The following TOGARAM1 variants were observed in gnomAD, a reference collection of about 807,000 sequenced individuals.
TOGARAM1 encodes TOG array regulator of axonemal microtubules protein 1.
In TOGARAM1, 100 loss-of-function variants were observed where a neutral mutation model predicts 166.6. That is an observed-to-expected ratio of 0.60 (90% CI 0.51 to 0.71). The LOEUF (loss-of-function observed/expected upper bound fraction) is 0.71, where lower values mean the gene tolerates loss of function less well. Ranked by LOEUF, TOGARAM1 falls within the 30% of genes least tolerant of loss-of-function variation. The pLI, the probability that TOGARAM1 is intolerant of heterozygous loss-of-function variation, is 0.00. For missense variants in TOGARAM1, 2,029 were observed against 2,102.7 expected (o/e 0.96, Z 0.69); for synonymous variants, 758 against 763.8 (o/e 0.99, Z 0.13).
chr14:44,978,882 T>C (rs1886367059), intron 1 of TOGARAM1, among the ~76,000 whole-genome samples: 1 of 151,160 alleles, frequency 6.6e-6, no homozygotes, highest in Non-Finnish European at 1.5e-5. Flanking sequence ...GCCTGTAGTC[T>C]CAGCTCCTCA....
At chr14:45,007,045 T>A (rs1879485024) in intron 5 of TOGARAM1, 1 of 152,136 alleles carries the variant, frequency 6.6e-6, no homozygotes, top group Admixed American at 6.5e-5. Context: ...CTTTTTATCA[T>A]TTCAGTTTGC....
At chr14:44,974,519 T>A (rs1386336572) in intron 1 of TOGARAM1, among the ~76,000 whole-genome samples, 2 of 152,208 alleles carry the variant, frequency 1.3e-5, no homozygotes, top group Admixed American at 6.5e-5. Context: ...GCTTGTTCTG[T>A]CTTTTCAGAC....
intron 14 of TOGARAM1, 71 bp from the exon 15 acceptor site, chr14:45,052,365 T>C: frequency 7.8e-7 from 1 of 1,283,970 alleles, no homozygotes; most frequent in South Asian, 1.5e-5. Flanking sequence ...ATTGAAACAA[T>C]GCATCTAAGG....
At chr14:44,990,488 CAG>C (rs1368123391) in intron 1 of TOGARAM1, among the ~76,000 whole-genome samples, 9 of 152,214 alleles carry the variant, frequency 5.9e-5, no homozygotes, top group African/African-American at 1.9e-4. Flanking sequence ...TGTTTGGACT[CAG>C]AGGGACAATA....
intron 16 of TOGARAM1, among the ~76,000 whole-genome samples, chr14:45,065,396 A>G (rs1017525832): frequency 5.9e-4 from 90 of 152,292 alleles, no homozygotes; most frequent in African/African-American, 2.0e-3. Flanking sequence ...TGAGCTAAAA[A>G]CAAAAAAACA....
At position 45,066,851 on chromosome 14, in the gene TOGARAM1, G is replaced by A. The variant is rs897056658; in HGVS notation, c.4749+84G>A. The A allele has an allele frequency of 7.6e-6, 9 of 1,182,722 alleles. No individual in the cohort carries two copies. The Admixed American group carries it at 1.7e-4, about 22-fold the overall frequency. The allele number at this position is 1,182,722 out of a possible 1,614,324, so 73.3% of individuals were successfully genotyped here. ...AGCACTTTGGGAAGCCAAGGTAGAA[G>A]GATCTCTTGAGGCTAGGAGTTCAAA... On this transcript the variant is annotated intron_variant, in intron 17 of 19. Transcript: ENST00000361462.
Position 45,073,586 on chromosome 14 carries a change from G to A in TOGARAM1, c.*25G>A. 1 of 1,590,816 alleles carries A rather than the reference G, an allele frequency of 6.3e-7. No homozygotes were observed. The highest frequency in any genetic ancestry group is 8.6e-7 in the Non-Finnish European group (1 of 1,167,568). Reference sequence around the variant, plus strand: ...AATCTTCGATAAAATACTGTATGATGAACAAAAGTGTTTACATGATGACAA... The same window carrying A: ...AATCTTCGATAAAATACTGTATGATAAACAAAAGTGTTTACATGATGACAA... On this transcript the variant is annotated 3_prime_UTR_variant, in exon 20 of 20. Transcript: ENST00000361462.
chr14:45,045,969 A>T (rs964954195), intron 13 of TOGARAM1, among the ~76,000 whole-genome samples: 13 of 151,924 alleles, frequency 8.6e-5, no homozygotes, highest in South Asian at 2.1e-4. Context: ...AGTTATTGTA[A>T]TAACGTTACC....
Position 45,045,575 on chromosome 14 carries a change from ATATATATATGTG to A in TOGARAM1, c.4154+707_4154+718del, listed in dbSNP as rs1167084217. Among the ~76,000 whole-genome samples the A allele has an allele frequency of 2.5e-3, 104 of 41,426 alleles. 2 individuals are homozygous for A. The highest frequency in any genetic ancestry group is 7.8e-3 in the South Asian group (8 of 1,026). 27.2% of individuals were successfully genotyped at this position (41,426 alleles called of 152,430 possible). A position where few individuals can be genotyped will look rare whatever the true frequency, so the allele number is the denominator to read the frequency against. On this transcript the variant is annotated intron_variant, in intron 13 of 19. Transcript: ENST00000361462. ...TATATATATATATATATATATATAT[ATATATATATGTG>A]TGTGTGTGTGTGTGTGTGTGTGTGT...
intron 1 of TOGARAM1, among the ~76,000 whole-genome samples, chr14:44,970,884 T>G (rs1427832669): frequency 2.6e-5 from 4 of 152,332 alleles, no homozygotes; most frequent in South Asian, 4.1e-4. Context: ...CTGGGATAAA[T>G]TCCACTTGGT....
intron 1 of TOGARAM1, 60 bp from the exon 2 acceptor site, chr14:44,995,686 C>A: frequency 8.3e-7 from 1 of 1,197,892 alleles, no homozygotes; most frequent in Non-Finnish European, 1.2e-6. Flanking sequence ...GTTATTTTGT[C>A]ATATTTATTA....
Position 44,963,227 on chromosome 14 carries a change from C to T in TOGARAM1, c.806C>T (p.Thr269Ile), listed in dbSNP as rs1885299739. The T allele has an allele frequency of 6.2e-7, 1 of 1,614,164 alleles. No individual in the cohort carries two copies. The highest frequency in any genetic ancestry group is 2.2e-5 in the East Asian group (1 of 44,882). ...SLARKLGDQE[T>I]EEESETAFSA... is the part of the protein sequence containing the mutation. The stretch of plus-strand genomic sequence containing the variant: ...GCCCGAAAGCTTGGTGATCAGGAGA[C>T]AGAAGAAGAATCTGAGACAGCTTTC... Residue 269 changes from threonine (T) to isoleucine (I), a missense_variant, in exon 1 of 20, where the codon ACA becomes ATA. Around this residue, in one of 2 missense-constraint regions of TOGARAM1, gnomAD observed 1,453 missense variants for 1,432.2 expected, o/e 1.01. Coordinates refer to ENST00000361462, the MANE Select transcript of TOGARAM1 (RefSeq NM_001308120.2).
At chr14:45,036,483 CT>C (rs1309104314) in intron 11 of TOGARAM1, among the ~76,000 whole-genome samples, 2 of 152,204 alleles carry the variant, frequency 1.3e-5, no homozygotes, top group East Asian at 3.9e-4. Flanking sequence ...GTATACCATG[CT>C]AACACTAATC....
chr14:44,980,887 G>A (rs1339889143), intron 1 of TOGARAM1, among the ~76,000 whole-genome samples: 1 of 152,112 alleles, frequency 6.6e-6, no homozygotes, highest in East Asian at 1.9e-4. Context: ...CACAAAAGCA[G>A]CAATGTGTAG....
chr14:45,022,956 G>A (rs943504985), intron 7 of TOGARAM1: 4 of 152,054 alleles, frequency 2.6e-5, no homozygotes, highest in South Asian at 2.1e-4. Context: ...ATATTGCTGC[G>A]TGGGCATGGA....
intron 2 of TOGARAM1, chr14:44,996,528 C>T (rs992851967): frequency 1.3e-5 from 2 of 152,146 alleles, no homozygotes; most frequent in Non-Finnish European, 2.9e-5. Context: ...TATAAGTGAA[C>T]TTTACTTTTT....
intron 1 of TOGARAM1, among the ~76,000 whole-genome samples, chr14:44,986,109 A>G (rs1046651853): frequency 1.3e-5 from 2 of 152,212 alleles, no homozygotes; most frequent in African/African-American, 4.8e-5. Flanking sequence ...CTGTGAAACC[A>G]TTAGAGGAAA....
chr14:44,973,897 G>A (rs1472618321), intron 1 of TOGARAM1, among the ~76,000 whole-genome samples: 1 of 151,190 alleles, frequency 6.6e-6, no homozygotes, highest in East Asian at 1.9e-4. Context: ...CTCCCCTATA[G>A]GTAATGTTCT....
intron 4 of TOGARAM1, 73 bp downstream of exon 4, chr14:45,004,439 A>G: frequency 1.6e-6 from 2 of 1,228,034 alleles, no homozygotes; most frequent in Admixed American, 2.4e-5. Flanking sequence ...TAGGGCTGTT[A>G]GATCTTTAAA....
Sources: allele counts gnomAD v4.1 joint callset (sites outside exome capture counted in the v4.1 genomes callset), GRCh38; gene constraint gnomAD v4.1.1; regional missense constraint gnomAD v4.1.1; transcripts MANE v1.5; gene names NCBI Gene and HGNC (gene_info 2026-07-23, HGNC 2026-07-21).